Variants in NOL4 observed in about 807,000 individuals in gnomAD.
The protein encoded by NOL4 is nucleolar protein 4.
A neutral mutation model predicts 75.9 loss-of-function variants in NOL4; 17 were observed. The ratio of observed to expected loss-of-function variants is 0.22; its 90% CI spans 0.15 to 0.34. The LOEUF is 0.34. Among genes scored for constraint, NOL4 ranks in the 10% least tolerant of loss-of-function variants. NOL4 has a pLI of 1.00. For synonymous variants in NOL4, 292 were observed against 289.9 expected, an observed-to-expected ratio of 1.01 and a Z score of -0.07; for missense variants, 614 against 793.5, an observed-to-expected ratio of 0.77 and a Z score of 2.72.
intron 6 of NOL4, among the ~76,000 whole-genome samples, chr18:33,967,682 C>T (rs568655189): frequency 1.4e-4 from 22 of 152,280 alleles, no homozygotes; most frequent in African/African-American, 5.3e-4. Context: ...CTAAAGAAGA[C>T]TTACAAGTGG....
chr18:33,902,859 C>T (rs1438634546), intron 9 of NOL4, among the ~76,000 whole-genome samples: 2 of 152,090 alleles, frequency 1.3e-5, no homozygotes, highest in Non-Finnish European at 2.9e-5. Flanking sequence ...CTTGGGCAAA[C>T]TGAAATTTAA....
chr18:34,216,496 A>G (rs1416969471), intron 1 of NOL4, among the ~76,000 whole-genome samples: 1 of 151,990 alleles, frequency 6.6e-6, no homozygotes, highest in Non-Finnish European at 1.5e-5. Flanking sequence ...GAGGTAAAGG[A>G]AACCAGATAA....
intron 6 of NOL4, among the ~76,000 whole-genome samples, chr18:33,999,646 C>G (rs1378009588): frequency 2.0e-5 from 3 of 151,960 alleles, no homozygotes; most frequent in Non-Finnish European, 4.4e-5. Flanking sequence ...CTATGCCATG[C>G]TCATGAGACA....
At chr18:34,124,497 A>AT (rs1394416818) in intron 2 of NOL4, among the ~76,000 whole-genome samples, 1 of 152,062 alleles carries the variant, frequency 6.6e-6, no homozygotes, top group African/African-American at 2.4e-5. Context: ...GAAAATAAAG[A>AT]TTTTTCTGTG....
At chr18:34,119,021 T>C (rs1264952993) in intron 2 of NOL4, among the ~76,000 whole-genome samples, 1 of 152,184 alleles carries the variant, frequency 6.6e-6, no homozygotes, top group African/African-American at 2.4e-5. Flanking sequence ...ATATATCAAA[T>C]TATTGGAATT....
chr18:34,067,225 AG>A (rs887288330), intron 5 of NOL4, among the ~76,000 whole-genome samples: 3 of 152,210 alleles, frequency 2.0e-5, no homozygotes, highest in African/African-American at 7.2e-5. Context: ...CAATGGGGCA[AG>A]AAATGTAGTA....
At chr18:34,172,819 G>T (rs377235430) in intron 1 of NOL4, among the ~76,000 whole-genome samples, 2 of 152,104 alleles carry the variant, frequency 1.3e-5, no homozygotes, top group East Asian at 3.9e-4. Context: ...GTCTTATTTG[G>T]AAAAGTATCT....
intron 5 of NOL4, among the ~76,000 whole-genome samples, chr18:34,072,124 A>G (rs2077547786): frequency 6.6e-6 from 1 of 152,024 alleles, no homozygotes; most frequent in African/African-American, 2.4e-5. Context: ...CCAGCTACTC[A>G]GGAGGCTAAG....
At chr18:34,164,615 A>C (rs569200346) in intron 1 of NOL4, among the ~76,000 whole-genome samples, 22 of 152,144 alleles carry the variant, frequency 1.4e-4, no homozygotes, top group African/African-American at 5.3e-4. Flanking sequence ...GGATGTGGAG[A>C]AATAGGAACA....
At chr18:33,964,718 C>T (rs550589893) in intron 6 of NOL4, among the ~76,000 whole-genome samples, 1 of 152,224 alleles carries the variant, frequency 6.6e-6, no homozygotes, top group East Asian at 1.9e-4. Context: ...TTTAACATGA[C>T]CTCCATGAGA....
chr18:34,142,050 C>T (rs201166965), intron 1 of NOL4, among the ~76,000 whole-genome samples: 1 of 152,130 alleles, frequency 6.6e-6, no homozygotes, highest in African/African-American at 2.4e-5. Flanking sequence ...CAAAAGAAGA[C>T]ATTTTTGCAG....
At chr18:34,131,114 G>A (rs1335262404) in intron 1 of NOL4, among the ~76,000 whole-genome samples, 1 of 148,122 alleles carries the variant, frequency 6.8e-6, no homozygotes, top group East Asian at 2.0e-4. Flanking sequence ...TTCTTATTTG[G>A]ACCCTGTGAT....
At chr18:34,120,161 G>T (rs78583314) in intron 2 of NOL4, among the ~76,000 whole-genome samples, 1 of 152,198 alleles carries the variant, frequency 6.6e-6, no homozygotes. Context: ...GGAAAAAATT[G>T]TTATGTCAGG....
intron 9 of NOL4, among the ~76,000 whole-genome samples, chr18:33,892,572 G>C (rs894667640): frequency 6.6e-6 from 1 of 152,030 alleles, no homozygotes; most frequent in East Asian, 1.9e-4. Flanking sequence ...ATGCTACAAG[G>C]CTTCACATCA....
At chr18:33,873,967 G>A (rs2063816555) in intron 10 of NOL4, among the ~76,000 whole-genome samples, 1 of 151,914 alleles carries the variant, frequency 6.6e-6, no homozygotes, top group African/African-American at 2.4e-5. Context: ...GGGTATCTCT[G>A]CATGAGATAA....
intron 5 of NOL4, among the ~76,000 whole-genome samples, chr18:34,022,861 A>T (rs946687731): frequency 2.0e-5 from 3 of 152,096 alleles, no homozygotes; most frequent in Non-Finnish European, 4.4e-5. Flanking sequence ...ATCATTATGT[A>T]TATCTAATAA....
At chr18:33,940,307 C>T (rs534395046) in intron 9 of NOL4, among the ~76,000 whole-genome samples, 8 of 151,964 alleles carry the variant, frequency 5.3e-5, no homozygotes, top group Non-Finnish European at 1.2e-4. Context: ...CAACAAATGC[C>T]CATCAATTAT....
chr18:34,150,942 C>T (rs1388584905), intron 1 of NOL4, among the ~76,000 whole-genome samples: 5 of 151,646 alleles, frequency 3.3e-5, no homozygotes, highest in Non-Finnish European at 5.9e-5. Context: ...TACAAAAGAT[C>T]TGAACAGACA....
At chr18:34,144,981 G>A (rs1449311129) in intron 1 of NOL4, among the ~76,000 whole-genome samples, 1 of 152,074 alleles carries the variant, frequency 6.6e-6, no homozygotes, top group African/African-American at 2.4e-5. Context: ...CCATTATGGA[G>A]TAGATCACTG....
Sources: gnomAD v4.1 joint callset for allele counts (sites outside exome capture counted in the v4.1 genomes callset) on GRCh38, gnomAD v4.1.1 for gene constraint, MANE v1.5 for transcripts, NCBI Gene and HGNC (gene_info 2026-07-23, HGNC 2026-07-21) for gene names.